ANO2: variants seen among roughly 807,000 people sequenced by gnomAD.
ANO2 encodes anoctamin-2.
ANO2 carries 101 observed loss-of-function variants against 124.2 expected under a neutral mutation model. The observed-to-expected ratio is 0.81, with a 90% CI of 0.69 to 0.96. ANO2 has a LOEUF of 0.96. Ranked by LOEUF, ANO2 falls within the 40% of genes least tolerant of loss-of-function variation. ANO2 has a pLI of 0.00. For synonymous variants in ANO2, 486 were observed against 482.5 expected, an observed-to-expected ratio of 1.01 and a Z score of -0.09; for missense variants, 1,293 against 1,274.5, an observed-to-expected ratio of 1.01 and a Z score of -0.22.
rs753427413 is a variant in ANO2, at chr12:5,921,272, T to G, written c.302A>C (p.Tyr101Ser). ...HFHDSQRKVD[Y>S]VLAYHYRKRG... ...TTTCCGGTAGTGGTAGGCAAGTACA[T>G]AGTCGACCTTCCTCTGACTGTCATG... Residue 101 changes from tyrosine to serine, a missense_variant, in exon 3 of 25, where the codon TAT (tyrosine) becomes TCT (serine). Transcript: ENST00000682330. The G allele has an allele frequency of 1.9e-6, 3 of 1,613,870 alleles. No individual in the cohort carries two copies.
At chr12:5,722,375 C>A (rs531546484) in intron 14 of ANO2, among the ~76,000 whole-genome samples, 1 of 152,124 alleles carries the variant, frequency 6.6e-6, no homozygotes, top group African/African-American at 2.4e-5. Flanking sequence ...GGCGCAGTGG[C>A]GGGCGCCTGT....
At chr12:5,822,359 A>C (rs1953828914) in intron 7 of ANO2, among the ~76,000 whole-genome samples, 1 of 152,204 alleles carries the variant, frequency 6.6e-6, no homozygotes, top group African/African-American at 2.4e-5. Flanking sequence ...GTGAGTGTTC[A>C]CCAGCGGGTG....
rs1009095439 is a variant in ANO2, at chr12:5,925,105, T to C, written c.23-2301A>G. Among the ~76,000 whole-genome samples the C allele has an allele frequency of 2.6e-5, 4 of 152,094 alleles. No homozygotes were observed. The highest frequency in any genetic ancestry group is 4.4e-5 in the Non-Finnish European group (3 of 68,020). ...ACCCCAGAGAAGACCTGGAAACCTCTAGATGCATGTCTAAAAAGCCCAAGA... is the reference window on the plus strand; with the variant it reads ...ACCCCAGAGAAGACCTGGAAACCTCCAGATGCATGTCTAAAAAGCCCAAGA... On this transcript the variant is annotated intron_variant, in intron 1 of 24. Transcript: ENST00000682330. The surrounding 1 kb of genome is among the most constrained non-coding windows in gnomAD (Gnocchi z 4.6).
rs936935976 is a variant in ANO2 at position 5,904,881 on chromosome 12, G to A, written c.534+16159C>T. Among the ~76,000 whole-genome samples, 1 of 152,196 alleles carries A rather than the reference G, an allele frequency of 6.6e-6. No homozygotes were observed. The highest frequency in any genetic ancestry group is 2.4e-5 in the African/African-American group (1 of 41,442). On this transcript the variant is annotated intron_variant, in intron 3 of 24. Transcript: ENST00000682330. The surrounding 1 kb of genome is among the most constrained non-coding windows in gnomAD (Gnocchi z 4.1). ...CCACAAGCTCCCACCTAGGCTGACA[G>A]GAGGGAAGACAGGATCAGCAGAACA... is the stretch of plus-strand genomic sequence containing the variant.
chr12:5,877,564 C>T (rs1938194541), intron 3 of ANO2, among the ~76,000 whole-genome samples: 1 of 152,152 alleles, frequency 6.6e-6, no homozygotes, highest in Admixed American at 6.5e-5. Flanking sequence ...CAACCATTAC[C>T]AATTATGTGA....
At chr12:5,845,135 TG>T (rs143975367) in intron 4 of ANO2, among the ~76,000 whole-genome samples, 5,277 of 151,920 alleles carry the variant, frequency 0.035, 230 homozygotes, top group African/African-American at 0.1. Flanking sequence ...CATGGAGGTG[TG>T]TGCCTATAGT....
rs936398629 is a variant in ANO2 at position 5,925,553 on chromosome 12, T to G, written c.23-2749A>C. 1.3e-5 allele frequency among the ~76,000 whole-genome samples: 2 copies of G among 152,068 alleles called. No homozygotes were observed. Among genetic ancestry groups the G allele is most frequent in the African/African-American group, 4.8e-5 (2 of 41,386 alleles). On this transcript the variant is annotated intron_variant, in intron 1 of 24. Transcript: ENST00000682330. This position sits in a 1 kb window ranked among gnomAD's most constrained non-coding sequence, Gnocchi z 4.6. ...AGAGGAAGGCCAAGGGGAACGCGAG[T>G]GACGCCTGCCCTCAGGAAGGGGAAG...
chr12:5,563,108 T>A lies in ANO2; in HGVS notation c.*191A>T. On this transcript the variant is annotated 3_prime_UTR_variant, in exon 25 of 25. Coordinates refer to ENST00000682330, the MANE Select transcript of ANO2 (RefSeq NM_001364791.2). ...AAACTTAAGCTTGAAGTTTCTGAGATGTAGCATCATTTCTCTTCCTTCCTA... is the reference window on the plus strand; with the variant it reads ...AAACTTAAGCTTGAAGTTTCTGAGAAGTAGCATCATTTCTCTTCCTTCCTA... The A allele has an allele frequency of 2.5e-6, 2 of 794,608 alleles. No individual in the cohort carries two copies. 49.2% of individuals were successfully genotyped at this position (794,608 alleles called of 1,614,324 possible).
intron 14 of ANO2, among the ~76,000 whole-genome samples, chr12:5,691,505 G>T (rs938797936): frequency 2.6e-5 from 4 of 152,230 alleles, no homozygotes; most frequent in Admixed American, 2.6e-4. Flanking sequence ...AGAGTGAGGA[G>T]CAGGTAGCCA....
At chr12:5,785,656 T>TACACACACACAC (rs71445677) in intron 10 of ANO2, among the ~76,000 whole-genome samples, 5 of 149,710 alleles carry the variant, frequency 3.3e-5, no homozygotes, top group African/African-American at 1.2e-4. Flanking sequence ...AGTCCTCTTG[T>TACACACACACAC]ACACACACAC....
chr12:5,702,294 C>T (rs924717248), intron 14 of ANO2, among the ~76,000 whole-genome samples: 1 of 152,092 alleles, frequency 6.6e-6, no homozygotes, highest in South Asian at 2.1e-4. Context: ...GAATGCATAT[C>T]AAGCCCATGT....
In ANO2 at chr12:5,922,795, A is replaced by T. The variant is rs748119229; in HGVS notation, c.32T>A (p.Leu11Gln). The T allele has an allele frequency of 3.3e-6, 5 of 1,522,058 alleles. No individual in the cohort carries two copies. In the South Asian group the frequency reaches 6.4e-5, roughly 20 times the overall value. The allele number at this position is 1,522,058 out of a possible 1,614,324, so 94.3% of individuals were successfully genotyped here. A position where few individuals can be genotyped will look rare whatever the true frequency, so the allele number is the denominator to read the frequency against. The change falls in exon 2 of 25, where the codon CTG (leucine) becomes CAG (glutamine). Residue 11 changes from leucine (L) to glutamine (Q), a missense_variant. By Grantham distance (113) the Leu-to-Gln change is moderately radical (BLOSUM62 -2). Coordinates refer to ENST00000682330, the MANE Select transcript of ANO2 (RefSeq NM_001364791.2). Reference sequence around the variant, plus strand: ...CAGCCGGCGTGGGGAGCCAGGGAGCAGGGGTATATCTGTGAGAGGGAAAGA... The same window carrying T: ...CAGCCGGCGTGGGGAGCCAGGGAGCTGGGGTATATCTGTGAGAGGGAAAGA... MATPGPRDIPLLPGSPRRLSP... is the reference protein window; with the variant it reads MATPGPRDIPQLPGSPRRLSP...
chr12:5,646,359 T>A (rs1342742085), intron 15 of ANO2, among the ~76,000 whole-genome samples: 2 of 152,236 alleles, frequency 1.3e-5, no homozygotes, highest in African/African-American at 2.4e-5. Flanking sequence ...ATCCAATTTT[T>A]TAAAATAAAT....
At chr12:5,657,910 C>G (rs1023010770) in intron 14 of ANO2, among the ~76,000 whole-genome samples, 4 of 152,216 alleles carry the variant, frequency 2.6e-5, no homozygotes, top group Non-Finnish European at 5.9e-5. Context: ...CTGTGATCTC[C>G]TGGCTTGTGA....
At chr12:5,833,977 C>G (rs562941723) in intron 4 of ANO2, among the ~76,000 whole-genome samples, 4 of 152,180 alleles carry the variant, frequency 2.6e-5, no homozygotes, top group Admixed American at 2.6e-4. Flanking sequence ...ACGGAGGCGT[C>G]CTGAGAGTAC....
chr12:5,912,319 A>C (rs1941103261), intron 3 of ANO2, among the ~76,000 whole-genome samples: 1 of 152,158 alleles, frequency 6.6e-6, no homozygotes. Flanking sequence ...CAGAAGCAAG[A>C]AGACCTTATT....
In ANO2 at chr12:5,733,692, C is replaced by G. The variant is rs1266235836; in HGVS notation, c.1435-1062G>C. 2.0e-5 allele frequency among the ~76,000 whole-genome samples: 3 copies of G among 152,330 alleles called. No individual in the cohort carries two copies. The East Asian group carries it at 5.8e-4, about 29-fold the overall frequency. ...GAGGACAGACCATGTAAGTGACTAA[C>G]AAGCATAACTAAAACAACTGCAGGC... On this transcript the variant is annotated intron_variant, in intron 13 of 24. Coordinates refer to ENST00000682330, the MANE Select transcript of ANO2 (RefSeq NM_001364791.2).
intron 19 of ANO2, among the ~76,000 whole-genome samples, chr12:5,606,461 T>A (rs1377273454): frequency 6.6e-6 from 1 of 152,240 alleles, no homozygotes; most frequent in Non-Finnish European, 1.5e-5. Flanking sequence ...GAGGAAATAA[T>A]GTCATTGATT....
chr12:5,858,758 G>A (rs1449579395), intron 3 of ANO2: 1 of 152,170 alleles, frequency 6.6e-6, no homozygotes, highest in Non-Finnish European at 1.5e-5. Context: ...CTCTACCCAG[G>A]TAAAATGACT....
Sources: gnomAD v4.1 joint callset for allele counts (sites outside exome capture counted in the v4.1 genomes callset) on GRCh38, gnomAD v4.1.1 for gene constraint, Gnocchi (gnomAD v3.1) non-coding constraint, MANE v1.5 for transcripts, NCBI Gene and HGNC (gene_info 2026-07-23, HGNC 2026-07-21) for gene names.